The following SYNE1 variants were observed in gnomAD, a reference collection of about 807,000 sequenced individuals.
The protein encoded by SYNE1 is spectrin repeat containing nuclear envelope protein 1.
SYNE1 carries 616 observed loss-of-function variants against 1,111.0 expected under a neutral mutation model. That is an observed-to-expected ratio of 0.55 (90% CI 0.52 to 0.59). SYNE1 has a LOEUF of 0.59. SYNE1 is among the 20% of genes least tolerant of loss of function. The pLI, the probability that SYNE1 is intolerant of heterozygous loss-of-function variation, is 0.00. For synonymous variants in SYNE1, 3,855 were observed against 3,825.8 expected (o/e 1.01, Z -0.28); for missense variants, 10,006 against 10,417.0 (o/e 0.96, Z 1.72).
intron 125 of SYNE1, among the ~76,000 whole-genome samples, chr6:152,206,929 T>C (rs2076622137): frequency 6.6e-6 from 1 of 152,164 alleles, no homozygotes; most frequent in Non-Finnish European, 1.5e-5. Flanking sequence ...ATTTGGTTTT[T>C]ATACTAAAAG....
At chr6:152,175,448 C>T (rs1367820085) in intron 130 of SYNE1, among the ~76,000 whole-genome samples, 1 of 152,152 alleles carries the variant, frequency 6.6e-6, no homozygotes, top group Non-Finnish European at 1.5e-5. Flanking sequence ...AGGAAAGAAA[C>T]CCAGATTTTA....
chr6:152,189,376 T>A lies in SYNE1; in HGVS notation c.23177A>T (p.Asp7726Val). ...CAGCAGGCTCAACTGGGTCAAGTCATCTGTCCAGCTCCCAACTGCATTTTC... is the reference window on the plus strand; with the variant it reads ...CAGCAGGCTCAACTGGGTCAAGTCAACTGTCCAGCTCCCAACTGCATTTTC... ...ELENAVGSWT[D>V]DLTQLSLLKD... The change falls in exon 128 of 146, where the codon GAT (aspartate) becomes GTT (valine). Residue 7726 changes from aspartate (D) to valine (V), a missense_variant. Coordinates refer to ENST00000367255, the MANE Select transcript of SYNE1 (RefSeq NM_182961.4). The A allele has an allele frequency of 1.9e-6, 3 of 1,614,140 alleles. No homozygotes were observed. The highest frequency in any genetic ancestry group is 2.5e-6 in the Non-Finnish European group (3 of 1,180,002).
intron 127 of SYNE1, among the ~76,000 whole-genome samples, chr6:152,200,239 G>C (rs2075131738): frequency 6.6e-6 from 1 of 152,144 alleles, no homozygotes; most frequent in Non-Finnish European, 1.5e-5. Flanking sequence ...TACTGACTTT[G>C]AAAAGTTATT....
intron 122 of SYNE1, 49 bp downstream of exon 122, chr6:152,214,857 A>G: frequency 6.2e-7 from 1 of 1,609,672 alleles, no homozygotes; most frequent in Non-Finnish European, 8.5e-7. Context: ...AGCGGCACAA[A>G]CCAGACTAAG....
intron 3 of SYNE1, among the ~76,000 whole-genome samples, chr6:152,568,232 A>G (rs577242695): frequency 6.6e-6 from 1 of 151,102 alleles, no homozygotes; most frequent in East Asian, 1.9e-4. Flanking sequence ...AAAGGCAAAG[A>G]GTATAGTGGG....
At chr6:152,462,413 G>A in intron 20 of SYNE1, 1 of 434,060 alleles carries the variant, frequency 2.3e-6, no homozygotes, top group Non-Finnish European at 4.0e-6. Flanking sequence ...CACAGTTCAT[G>A]CAATAAATCC....
chr6:152,225,772 G>A lies in SYNE1; in HGVS notation c.21300C>T (p.Val7100=). The part of the protein sequence containing the change: ...QNKKEDVSSI[V]MSTLRELGQT... ...GGCCGAGCTCTCGCAGTGTGCTCAT[G>A]ACAATGCTAGAGACGTCTTCTTTCT... is the stretch of plus-strand genomic sequence containing the variant. The change falls in exon 116 of 146, where the codon GTC becomes GTT. Residue 7100 remains valine (V), a synonymous_variant. Coordinates refer to ENST00000367255, the MANE Select transcript of SYNE1 (RefSeq NM_182961.4). 6.2e-7 allele frequency: 1 copy of A among 1,614,112 alleles called. No homozygotes were observed. Among genetic ancestry groups the A allele is most frequent in the Non-Finnish European group, 8.5e-7 (1 of 1,180,002 alleles).
rs139449273 is a variant in SYNE1, at chr6:152,268,111, G to A, written c.18760C>T (p.Arg6254Cys). The change falls in exon 100 of 146, where the codon CGT becomes TGT. Residue 6254 changes from arginine to cysteine, a missense_variant. This residue lies in a region of SYNE1 where 2,182 missense variants were observed against 2,287.8 expected (regional missense o/e 0.95). Coordinates refer to ENST00000367255, the MANE Select transcript of SYNE1 (RefSeq NM_182961.4). ...TGTTGAATTAGAATCTCCTCTCCAC[G>A]ACTGGCTACTGAGCGAAGGAGACTC... is the stretch of plus-strand genomic sequence containing the variant. ...QKSLLRSVAS[R>C]GEEILIQHSA... is the part of the protein sequence containing the mutation. The A allele has an allele frequency of 1.2e-5, 20 of 1,614,074 alleles. No homozygotes were observed. Among genetic ancestry groups the A allele is most frequent in the East Asian group, 1.1e-4 (5 of 44,876 alleles).
At chr6:152,505,985 C>A (rs2099056238) in intron 8 of SYNE1, among the ~76,000 whole-genome samples, 1 of 152,216 alleles carries the variant, frequency 6.6e-6, no homozygotes, top group Non-Finnish European at 1.5e-5. Flanking sequence ...ACAAAGGACC[C>A]TGTATTCCAC....
At chr6:152,466,820 A>C (rs1443307958) in intron 16 of SYNE1, among the ~76,000 whole-genome samples, 1 of 152,108 alleles carries the variant, frequency 6.6e-6, no homozygotes. Flanking sequence ...AATTAATGCA[A>C]TTACAGTTAA....
intron 127 of SYNE1, among the ~76,000 whole-genome samples, chr6:152,199,434 C>T (rs1198945124): frequency 6.6e-6 from 1 of 152,058 alleles, no homozygotes; most frequent in Non-Finnish European, 1.5e-5. Flanking sequence ...TAAAACAATG[C>T]ACTGAATACA....
In SYNE1 at chr6:152,455,925, C is replaced by T. The variant is rs766583731; in HGVS notation, c.2688G>A (p.Arg896=). Residue 896 remains arginine, a synonymous_variant, in exon 23 of 146, where the codon AGG becomes AGA. Coordinates refer to ENST00000367255, the MANE Select transcript of SYNE1 (RefSeq NM_182961.4). ...GAATATCTGCAATCTGTCTTTGTAG[C>T]CTCGTCTGATCAAAATGCTTTAACA... ...SNVLKHFDQT[R]LQRQIADIHV... 1.2e-6 allele frequency: 2 copies of T among 1,614,086 alleles called. No individual in the cohort carries two copies. The highest frequency in any genetic ancestry group is 1.7e-5 in the Admixed American group (1 of 60,002).
intron 11 of SYNE1, among the ~76,000 whole-genome samples, chr6:152,497,953 T>TAC (rs138684478): frequency 4.0e-4 from 61 of 151,488 alleles, no homozygotes; most frequent in Admixed American, 1.3e-3. Context: ...CATTCACTCA[T>TAC]ACACACACAC....
intron 100 of SYNE1, among the ~76,000 whole-genome samples, chr6:152,264,813 C>G (rs914083572): frequency 6.6e-6 from 1 of 151,090 alleles, no homozygotes; most frequent in Non-Finnish European, 1.5e-5. Context: ...AAAAATAAAA[C>G]TCTTAAAATG....
rs1333548427 is a variant in SYNE1, at chr6:152,376,369, TA to T, written c.9324+11del. 1 of 1,613,704 alleles carries T rather than the reference TA, an allele frequency of 6.2e-7. No individual in the cohort carries two copies. The highest frequency in any genetic ancestry group is 8.5e-7 in the Non-Finnish European group (1 of 1,179,674). On this transcript the variant is annotated intron_variant, in intron 58 of 145. Transcript: ENST00000367255. ...CAGCACTGCTACTAGAATTAATTGA[TA>T]ACACCCTTACCTGTATTTTCTGAAG...
At chr6:152,574,117 A>C (rs1450284948) in intron 3 of SYNE1, among the ~76,000 whole-genome samples, 1 of 147,304 alleles carries the variant, frequency 6.8e-6, no homozygotes, top group Non-Finnish European at 1.5e-5. Flanking sequence ...AAAATGGGCC[A>C]AATCTACAGT....
intron 132 of SYNE1, 34 bp downstream of exon 132, chr6:152,155,876 C>T: frequency 6.2e-7 from 1 of 1,612,294 alleles, no homozygotes; most frequent in Non-Finnish European, 8.5e-7. Context: ...TTTGGTCTTT[C>T]CTCTTCCCTA....
chr6:152,147,838 C>T (rs1172493336), intron 137 of SYNE1: 1 of 579,970 alleles, frequency 1.7e-6, no homozygotes, highest in African/African-American at 1.9e-5. Context: ...TTGTCACCTA[C>T]TACCACAAAT....
intron 3 of SYNE1, among the ~76,000 whole-genome samples, chr6:152,611,209 TAA>T (rs1469487568): frequency 3.9e-5 from 6 of 152,044 alleles, no homozygotes; most frequent in Admixed American, 3.9e-4. Flanking sequence ...ACAAATTGTA[TAA>T]AGAGTCAAGA....
Sources: allele counts gnomAD v4.1 joint callset (sites outside exome capture counted in the v4.1 genomes callset), GRCh38; gene constraint gnomAD v4.1.1; regional missense constraint gnomAD v4.1.1; transcripts MANE v1.5; gene names NCBI Gene and HGNC (gene_info 2026-07-23, HGNC 2026-07-21).